Variants in KCNMA1 observed in about 807,000 individuals in gnomAD.
KCNMA1 encodes the protein Calcium-activated potassium channel subunit alpha-1.
A neutral mutation model predicts 140.0 loss-of-function variants in KCNMA1; 29 were observed. The ratio of observed to expected loss-of-function variants is 0.21; its 90% confidence interval spans 0.15 to 0.28. The LOEUF is 0.28. KCNMA1 is among the 10% of genes least tolerant of loss of function. The probability of loss-of-function intolerance (pLI) is 1.00; values close to 1 mark genes in which losing one functional copy is unlikely to be tolerated. For missense variants in KCNMA1, 880 were observed against 1,602.2 expected (o/e 0.55, Z 7.70); for synonymous variants, 612 against 611.9 (o/e 1.00, Z 0.00).
chr10:77,183,875 A>G (rs1250043833), intron 4 of KCNMA1, among the ~76,000 whole-genome samples: 1 of 152,104 alleles, frequency 6.6e-6, no homozygotes. Flanking sequence ...TTGGACACAC[A>G]CGTTTTCTAG....
At position 76,886,102 on chromosome 10, in the gene KCNMA1, G is replaced by T; in HGVS notation, c.*1164C>A. Reference sequence around the variant, plus strand: ...TTTTGTCTTTGTTGAGTCAACTGTGGCTGATCCTCCTACATTCTAATTTAT... The same window carrying T: ...TTTTGTCTTTGTTGAGTCAACTGTGTCTGATCCTCCTACATTCTAATTTAT... On this transcript the variant is annotated 3_prime_UTR_variant, in exon 28 of 28. Coordinates refer to ENST00000286628, the MANE Select transcript of KCNMA1 (RefSeq NM_001161352.2). 1.0e-6 allele frequency: 1 copy of T among 985,394 alleles called. No individual in the cohort carries two copies. Among genetic ancestry groups the T allele is most frequent in the Non-Finnish European group, 1.2e-6 (1 of 829,944 alleles). 61.0% of individuals were successfully genotyped at this position (985,394 alleles called of 1,614,324 possible). A position where few individuals can be genotyped will look rare whatever the true frequency, so the allele number is the denominator to read the frequency against.
At chr10:76,940,320 G>A (rs530587597) in intron 23 of KCNMA1, among the ~76,000 whole-genome samples, 1 of 152,350 alleles carries the variant, frequency 6.6e-6, no homozygotes, top group Admixed American at 6.5e-5. Context: ...AAAAGGGAGT[G>A]TGAAAAGAGA....
intron 19 of KCNMA1, among the ~76,000 whole-genome samples, chr10:76,982,022 C>T (rs1442503706): frequency 6.6e-6 from 1 of 152,144 alleles, no homozygotes; most frequent in African/African-American, 2.4e-5. Flanking sequence ...AAGACACTTC[C>T]CTTTCCTGGG....
chr10:77,462,135 T>C (rs2097884988), intron 1 of KCNMA1, among the ~76,000 whole-genome samples: 1 of 151,446 alleles, frequency 6.6e-6, no homozygotes, highest in Admixed American at 6.6e-5. Flanking sequence ...AACACATACA[T>C]GCACACACAT....
intron 1 of KCNMA1, among the ~76,000 whole-genome samples, chr10:77,421,671 A>G (rs1289077147): frequency 6.6e-6 from 1 of 152,230 alleles, no homozygotes; most frequent in African/African-American, 2.4e-5. Flanking sequence ...TTTTTGTTCA[A>G]CTATTTAAAA....
At chr10:76,878,098 C>T (rs775235788) in intron 29 of KCNMA1, among the ~76,000 whole-genome samples, 1 of 151,980 alleles carries the variant, frequency 6.6e-6, no homozygotes, top group Non-Finnish European at 1.5e-5. Context: ...AAGTGATGAA[C>T]AAAATGTGCC....
intron 2 of KCNMA1, among the ~76,000 whole-genome samples, chr10:77,400,234 GC>G (rs1479113598): frequency 6.6e-6 from 1 of 152,180 alleles, no homozygotes; most frequent in Non-Finnish European, 1.5e-5. Flanking sequence ...CTCCTAAAGG[GC>G]AGGCCTATTC....
At chr10:77,311,621 T>TGA (rs561676993) in intron 2 of KCNMA1, among the ~76,000 whole-genome samples, 86 of 152,264 alleles carry the variant, frequency 5.6e-4, no homozygotes, top group African/African-American at 2.0e-3. Flanking sequence ...ATCAAGAGAT[T>TGA]GAGAGAGAGA....
intron 2 of KCNMA1, among the ~76,000 whole-genome samples, chr10:77,376,802 G>T (rs1037526395): frequency 3.3e-4 from 50 of 152,136 alleles, no homozygotes; most frequent in African/African-American, 1.2e-3. Context: ...GCCAGGAGTC[G>T]TGGCGCATGC....
intron 5 of KCNMA1, among the ~76,000 whole-genome samples, chr10:77,131,170 A>G (rs2097850181): frequency 6.6e-6 from 1 of 152,230 alleles, no homozygotes; most frequent in Admixed American, 6.5e-5. Context: ...AACTCTTGGA[A>G]GAAACACACT....
chr10:76,912,679 C>G (rs1262743512), intron 24 of KCNMA1: 1 of 152,164 alleles, frequency 6.6e-6, no homozygotes, highest in Non-Finnish European at 1.5e-5. Context: ...TTTTCCTTTT[C>G]TCGTCTACTA....
chr10:77,478,273 T>C (rs961480583), intron 1 of KCNMA1, among the ~76,000 whole-genome samples: 6 of 152,220 alleles, frequency 3.9e-5, no homozygotes, highest in African/African-American at 1.4e-4. Context: ...TCTGTGTTAA[T>C]TCCCAACAGA....
intron 23 of KCNMA1, among the ~76,000 whole-genome samples, chr10:76,918,379 C>A (rs2053840856): frequency 6.6e-6 from 1 of 152,200 alleles, no homozygotes; most frequent in African/African-American, 2.4e-5. Context: ...AAAGCTATCA[C>A]CAGATGGGCT....
chr10:77,139,843 G>A (rs551457404), intron 5 of KCNMA1, among the ~76,000 whole-genome samples: 2 of 152,026 alleles, frequency 1.3e-5, no homozygotes, highest in African/African-American at 2.4e-5. Flanking sequence ...GCAAGACCAC[G>A]CTCCCATGGT....
chr10:77,586,220 T>C (rs1012247158), intron 1 of KCNMA1: 1 of 152,212 alleles, frequency 6.6e-6, no homozygotes, highest in Non-Finnish European at 1.5e-5. Context: ...TTGTCTTCAG[T>C]TGTAACACAG....
intron 2 of KCNMA1, among the ~76,000 whole-genome samples, chr10:77,393,040 A>G (rs1435916232): frequency 2.6e-5 from 4 of 152,344 alleles, no homozygotes; most frequent in Middle Eastern, 3.4e-3. Flanking sequence ...CAGGGAGGCT[A>G]TATGAAGTGA....
Position 77,637,364 on chromosome 10 carries a change from G to C in KCNMA1, c.279C>G (p.Ser93=). The C allele has an allele frequency of 6.2e-7, 1 of 1,614,014 alleles. No individual in the cohort carries two copies. Among genetic ancestry groups the C allele is most frequent in the Non-Finnish European group, 8.5e-7 (1 of 1,179,976 alleles). ...GQRMWWAFLA[S]SMVTFFGGLF... The stretch of plus-strand genomic sequence containing the variant: ...GGCCCCCGAAGAAAGTCACCATGGA[G>C]GAGGCCAGGAAAGCCCACCACATGC... The change falls in exon 1 of 28, where the codon TCC becomes TCG. Residue 93 remains serine (S), a synonymous_variant. Coordinates refer to ENST00000286628, the MANE Select transcript of KCNMA1 (RefSeq NM_001161352.2).
At chr10:76,912,362 T>C (rs1187269006) in intron 24 of KCNMA1, 32 of 152,214 alleles carry the variant, frequency 2.1e-4, no homozygotes, top group Non-Finnish European at 1.5e-5. Context: ...CTTTGAAAGC[T>C]TGTGTGGCCT....
intron 14 of KCNMA1, among the ~76,000 whole-genome samples, chr10:77,055,060 A>C (rs1291137703): frequency 6.6e-6 from 1 of 152,174 alleles, no homozygotes; most frequent in East Asian, 1.9e-4. Flanking sequence ...TATTCTCCCC[A>C]TTCTGGCTGT....
Sources: gnomAD v4.1 joint callset for allele counts (sites outside exome capture counted in the v4.1 genomes callset) on GRCh38, gnomAD v4.1.1 for gene constraint, MANE v1.5 for transcripts, NCBI Gene and HGNC (gene_info 2026-07-23, HGNC 2026-07-21) for gene names.